Variants in SYNE2 observed in about 807,000 individuals in gnomAD.
SYNE2 encodes the protein nesprin-2.
In SYNE2, 431 loss-of-function variants were observed where a neutral mutation model predicts 856.3. The observed-to-expected ratio is 0.50, with a 90% CI of 0.47 to 0.55. SYNE2 has a LOEUF of 0.55. Among genes scored for constraint, SYNE2 ranks in the 20% least tolerant of loss-of-function variants. The pLI, the probability that SYNE2 is intolerant of heterozygous loss-of-function variation, is 0.00. For missense variants in SYNE2, 8,129 were observed against 8,023.2 expected (o/e 1.01, Z -0.50); for synonymous variants, 2,923 against 2,872.3 (o/e 1.02, Z -0.56).
chr14:63,940,743 C>T lies in SYNE2; in HGVS notation c.141+68C>T, dbSNP rs537914738. On this transcript the variant is annotated intron_variant, in intron 3 of 115. Transcript: ENST00000555002. ...ACTCCCCCTACTCCTTCTGTTTTGA[C>T]CCCAAGGAGGCCATTAAAAAATGGT... 2.1e-5 allele frequency: 30 copies of T among 1,437,754 alleles called. No homozygotes were observed. The Admixed American group carries it at 2.4e-4, about 11-fold the overall frequency. 89.1% of individuals were successfully genotyped at this position (1,437,754 alleles called of 1,614,324 possible). A position where few individuals can be genotyped will look rare whatever the true frequency, so the allele number is the denominator to read the frequency against.
intron 99 of SYNE2, 45 bp from the exon 100 acceptor site, chr14:64,202,756 C>G: frequency 6.2e-7 from 1 of 1,613,310 alleles, no homozygotes; most frequent in South Asian, 1.1e-5. Context: ...TTTTCCATCA[C>G]TGGTTTTTTT....
chr14:63,954,573 A>G (rs2096215561), intron 7 of SYNE2, 146 bp from the exon 8 acceptor site: 1 of 682,576 alleles, frequency 1.5e-6, no homozygotes, highest in East Asian at 2.7e-5. Flanking sequence ...TTTTCCTTTA[A>G]TTTGGTCACA....
chr14:63,863,728 T>A (rs1286448810), intron 1 of SYNE2, among the ~76,000 whole-genome samples: 1 of 152,194 alleles, frequency 6.6e-6, no homozygotes, highest in Non-Finnish European at 1.5e-5. Context: ...TTTGAGATAG[T>A]GATTCAGAAA....
At chr14:63,973,770 C>A (rs1595966460) in intron 11 of SYNE2, among the ~76,000 whole-genome samples, 2 of 152,126 alleles carry the variant, frequency 1.3e-5, no homozygotes, top group East Asian at 3.9e-4. Flanking sequence ...ATGCACAGTT[C>A]CATTTGACTG....
chr14:64,054,760 C>T (rs915762396), intron 48 of SYNE2, among the ~76,000 whole-genome samples: 11 of 152,096 alleles, frequency 7.2e-5, no homozygotes, highest in Non-Finnish European at 1.3e-4. Context: ...TTGAAATTCA[C>T]GCTGTGCTGA....
chr14:64,011,220 CCTGTTT>C, intron 32 of SYNE2, among the ~76,000 whole-genome samples: 1 of 152,144 alleles, frequency 6.6e-6, no homozygotes, highest in Non-Finnish European at 1.5e-5. Context: ...CGGAAGCAGC[CCTGTTT>C]AGATACCAGC....
rs113826768 is a variant in SYNE2 at position 64,144,086 on chromosome 14, CTA to C, written c.15483+140_15483+141del. On this transcript the variant is annotated intron_variant, in intron 83 of 115. Transcript: ENST00000555002. ...CTCAACTATAGCCCTTTTATAAATCCTATGTTTTAGCATTCTCCATTGGTACC... is the reference window on the plus strand; with the variant it reads ...CTCAACTATAGCCCTTTTATAAATCCTGTTTTAGCATTCTCCATTGGTACC... 2.2e-4 allele frequency: 228 copies of C among 1,049,010 alleles called. 3 individuals are homozygous for C. The African/African-American group carries it at 2.8e-3, about 13-fold the overall frequency. 65.0% of individuals were successfully genotyped at this position (1,049,010 alleles called of 1,614,324 possible). A position where few individuals can be genotyped will look rare whatever the true frequency, so the allele number is the denominator to read the frequency against.
chr14:64,152,594 A>G lies in SYNE2; in HGVS notation c.15670A>G (p.Lys5224Glu). 3.7e-6 allele frequency: 6 copies of G among 1,614,112 alleles called. No individual in the cohort carries two copies. Among genetic ancestry groups the G allele is most frequent in the Non-Finnish European group, 5.1e-6 (6 of 1,179,992 alleles). ...AGAAAATCAACTTGCAATTAAATCCAAAGCACTAGATGAGTTGAAACAAAG... is the reference window on the plus strand; with the variant it reads ...AGAAAATCAACTTGCAATTAAATCCGAAGCACTAGATGAGTTGAAACAAAG... ...DIENQLAIKS[K>E]ALDELKQSYL... Residue 5224 changes from lysine to glutamate, a missense_variant, in exon 85 of 116, where the codon AAA becomes GAA. By Grantham distance (56) the Lys-to-Glu change is moderately conservative. This residue lies in a region of SYNE2 where 5,410 missense variants were observed against 5,284.8 expected (regional missense o/e 1.02). Transcript: ENST00000555002.
intron 6 of SYNE2, among the ~76,000 whole-genome samples, chr14:63,948,405 T>C (rs1382551846): frequency 6.6e-6 from 1 of 152,140 alleles, no homozygotes; most frequent in Non-Finnish European, 1.5e-5. Flanking sequence ...GGCTCACGCC[T>C]GTAATCCCAG....
chr14:64,102,300 A>G (rs1053052048), intron 64 of SYNE2, among the ~76,000 whole-genome samples: 1 of 152,150 alleles, frequency 6.6e-6, no homozygotes, highest in Non-Finnish European at 1.5e-5. Context: ...TATTTGTAGT[A>G]GAGACGGGGT....
rs753316436 is a variant in SYNE2, at chr14:63,830,995, C to G, written c.-304-21506C>G. Among the ~76,000 whole-genome samples the G allele has an allele frequency of 2.6e-5, 4 of 151,848 alleles. No homozygotes were observed. In the South Asian group the frequency reaches 8.3e-4, roughly 32 times the overall value. On this transcript the variant is annotated intron_variant, in intron 1 of 23. Transcript: ENST00000674003. ...ATCTGGGATTACAGGCACCTGCCAC[C>G]CTGCCCGGCTAATTTTTGTATTTTT...
At chr14:64,194,525 G>C (rs778303911) in intron 99 of SYNE2, among the ~76,000 whole-genome samples, 3 of 152,120 alleles carry the variant, frequency 2.0e-5, no homozygotes, top group African/African-American at 4.8e-5. Flanking sequence ...AGCTGGTCTT[G>C]AGCTCCTGGG....
At chr14:63,762,051 C>T (rs1036582746) in intron 1 of SYNE2, 4 of 499,840 alleles carry the variant, frequency 8.0e-6, no homozygotes, top group Admixed American at 2.1e-5. Flanking sequence ...ACTCAGGAGG[C>T]GTTGGAAAGT....
intron 63 of SYNE2, chr14:64,100,244 AC>A (rs1157565404): frequency 2.6e-5 from 4 of 151,606 alleles, no homozygotes; most frequent in South Asian, 4.2e-4. Flanking sequence ...AAAACCAAAC[AC>A]CGCATATTCT....
At chr14:64,039,292 A>G (rs1034120717) in intron 45 of SYNE2, among the ~76,000 whole-genome samples, 4 of 152,374 alleles carry the variant, frequency 2.6e-5, no homozygotes, top group African/African-American at 9.6e-5. Flanking sequence ...GCCATGGGCC[A>G]TAGCCCCTGA....
chr14:64,065,669 A>G lies in SYNE2; in HGVS notation c.10431+19A>G, dbSNP rs546717470. 2.4e-5 allele frequency: 38 copies of G among 1,613,336 alleles called. No homozygotes were observed. In the South Asian group the frequency reaches 3.6e-4, roughly 15 times the overall value. On this transcript the variant is annotated intron_variant, in intron 51 of 115. Transcript: ENST00000555002. Reference sequence around the variant, plus strand: ...TGAAGAAGTGAGTGCTTCATTTTCAACAAACCATGTAGTTTCTAACATGTT... The same window carrying G: ...TGAAGAAGTGAGTGCTTCATTTTCAGCAAACCATGTAGTTTCTAACATGTT...
At chr14:63,884,469 G>A (rs562805896) in intron 1 of SYNE2, among the ~76,000 whole-genome samples, 38 of 152,256 alleles carry the variant, frequency 2.5e-4, no homozygotes, top group Admixed American at 1.4e-3. Flanking sequence ...ACTGTAAGGA[G>A]CTTAGGTTGC....
intron 64 of SYNE2, among the ~76,000 whole-genome samples, chr14:64,102,805 T>C (rs2097743632): frequency 6.6e-6 from 1 of 152,094 alleles, no homozygotes; most frequent in Admixed American, 6.6e-5. Flanking sequence ...CCCCAGGCCC[T>C]CTCTCAGCCC....
At chr14:64,190,724 C>T in intron 99 of SYNE2, 1 of 666,408 alleles carries the variant, frequency 1.5e-6, no homozygotes, top group South Asian at 1.6e-5. Flanking sequence ...CTCAGAGTGC[C>T]AGGTCTCCCA....
Sources: gnomAD v4.1 joint callset for allele counts (sites outside exome capture counted in the v4.1 genomes callset) on GRCh38, gnomAD v4.1.1 for gene constraint, gnomAD v4.1.1 regional missense constraint, MANE v1.5 for transcripts, NCBI Gene and HGNC (gene_info 2026-07-23, HGNC 2026-07-21) for gene names.